CCDC91: variants seen among roughly 807,000 people sequenced by gnomAD.
The protein encoded by CCDC91 is coiled-coil domain-containing protein 91.
CCDC91 carries 48 observed loss-of-function variants against 63.2 expected under a neutral mutation model. That is an observed-to-expected ratio of 0.76 (90% CI 0.60 to 0.97). CCDC91 has a LOEUF of 0.97. Ranked by LOEUF, CCDC91 falls within the 50% of genes least tolerant of loss-of-function variation. The pLI, the probability that CCDC91 is intolerant of heterozygous loss-of-function variation, is 0.00. For missense variants in CCDC91, 500 were observed against 494.6 expected (o/e 1.01, Z -0.10); for synonymous variants, 167 against 165.8 (o/e 1.01, Z -0.06).
At chr12:28,237,005 C>A (rs554215927) in intron 1 of CCDC91, among the ~76,000 whole-genome samples, 1 of 151,848 alleles carries the variant, frequency 6.6e-6, no homozygotes, top group East Asian at 1.9e-4. Flanking sequence ...TTTTTAGAGA[C>A]TTCTTTTATA....
chr12:28,361,332 T>A (rs1464260285), intron 6 of CCDC91, among the ~76,000 whole-genome samples: 1 of 151,296 alleles, frequency 6.6e-6, no homozygotes, highest in Non-Finnish European at 1.5e-5. Flanking sequence ...CTCTCCCCAC[T>A]CCCCCCACCC....
At chr12:28,248,392 C>T (rs11834510) in intron 1 of CCDC91, among the ~76,000 whole-genome samples, 1,758 of 152,088 alleles carry the variant, frequency 0.012, 8 homozygotes, top group Middle Eastern at 0.02. Flanking sequence ...GTAAATGAAT[C>T]CAAAGATGTG....
At chr12:28,283,837 A>G (rs61922976) in intron 3 of CCDC91, among the ~76,000 whole-genome samples, 30,778 of 152,050 alleles carry the variant, frequency 0.2, 4,016 homozygotes, top group Non-Finnish European at 0.3. Context: ...TCCATTTATG[A>G]TATCATGTGG....
chr12:28,341,994 A>G (rs1942459501), intron 6 of CCDC91, among the ~76,000 whole-genome samples: 1 of 152,220 alleles, frequency 6.6e-6, no homozygotes, highest in African/African-American at 2.4e-5. Flanking sequence ...TCTTTAAAAT[A>G]GGTGTAATTA....
At chr12:28,539,807 C>T (rs1942493325) in intron 12 of CCDC91, among the ~76,000 whole-genome samples, 1 of 152,058 alleles carries the variant, frequency 6.6e-6, no homozygotes. Context: ...TAGGATAAAT[C>T]TGTTTTAAAA....
At chr12:28,457,091 T>C (rs1416440117) in intron 11 of CCDC91, among the ~76,000 whole-genome samples, 1 of 152,076 alleles carries the variant, frequency 6.6e-6, no homozygotes, top group East Asian at 1.9e-4. Context: ...TGTCACCCTG[T>C]AACCCATGAT....
chr12:28,241,590 G>T (rs1945338533), intron 1 of CCDC91, among the ~76,000 whole-genome samples: 2 of 152,016 alleles, frequency 1.3e-5, no homozygotes, highest in Admixed American at 1.3e-4. Context: ...GGTTGTTTGT[G>T]GGGTTTACTA....
chr12:28,351,016 T>C (rs779779261), intron 6 of CCDC91, among the ~76,000 whole-genome samples: 7 of 152,222 alleles, frequency 4.6e-5, no homozygotes, highest in Non-Finnish European at 1.0e-4. Context: ...TGCAATCTGT[T>C]ACCGTGTTCT....
chr12:28,416,959 T>C (rs527461554), intron 8 of CCDC91, among the ~76,000 whole-genome samples: 30 of 152,268 alleles, frequency 2.0e-4, no homozygotes, highest in Non-Finnish European at 4.0e-4. Flanking sequence ...AATTTAGTTA[T>C]GTTGCTTTGA....
At chr12:28,410,358 T>G (rs1369435277) in intron 8 of CCDC91, among the ~76,000 whole-genome samples, 1 of 152,208 alleles carries the variant, frequency 6.6e-6, no homozygotes, top group Non-Finnish European at 1.5e-5. Flanking sequence ...TTTATTTTGA[T>G]TATTGTTAGT....
At chr12:28,372,130 C>T (rs1038522258) in intron 7 of CCDC91, among the ~76,000 whole-genome samples, 5 of 152,144 alleles carry the variant, frequency 3.3e-5, no homozygotes, top group Admixed American at 1.3e-4. Flanking sequence ...TATGCTTTAT[C>T]GAAGATCACT....
At chr12:28,209,895 A>G (rs772731481) in intron 1 of CCDC91, among the ~76,000 whole-genome samples, 11 of 152,014 alleles carry the variant, frequency 7.2e-5, no homozygotes, top group East Asian at 1.9e-4. Flanking sequence ...ATGTAAACCT[A>G]TTTTTTTCAG....
At chr12:28,218,727 G>GTGTA (rs1417753608) in intron 1 of CCDC91, among the ~76,000 whole-genome samples, 2 of 150,214 alleles carry the variant, frequency 1.3e-5, no homozygotes, top group East Asian at 1.9e-4. Context: ...GTGTGTGTGT[G>GTGTA]TGTATGTATG....
intron 3 of CCDC91, among the ~76,000 whole-genome samples, chr12:28,299,972 G>A (rs1337385089): frequency 6.6e-6 from 1 of 150,802 alleles, no homozygotes; most frequent in East Asian, 1.9e-4. Context: ...AGGAATATTG[G>A]CCCTTATCTG....
At chr12:28,471,842 C>T (rs1374146840) in intron 11 of CCDC91, among the ~76,000 whole-genome samples, 2 of 151,918 alleles carry the variant, frequency 1.3e-5, no homozygotes, top group African/African-American at 2.4e-5. Flanking sequence ...CTCCGCCTCC[C>T]GGGTTCAAGC....
At chr12:28,246,523 A>C (rs1945747506) in intron 1 of CCDC91, among the ~76,000 whole-genome samples, 2 of 152,172 alleles carry the variant, frequency 1.3e-5, no homozygotes, top group African/African-American at 4.8e-5. Context: ...TATTTTGCTT[A>C]TATGGGGGAC....
At chr12:28,390,218 C>G (rs11049570) in intron 7 of CCDC91, among the ~76,000 whole-genome samples, 28,152 of 151,928 alleles carry the variant, frequency 0.19, 3,435 homozygotes, top group Non-Finnish European at 0.28. Flanking sequence ...AAAATACATG[C>G]CTATTTATCC....
chr12:28,526,393 G>T (rs1387587993), intron 12 of CCDC91, among the ~76,000 whole-genome samples: 5 of 151,998 alleles, frequency 3.3e-5, no homozygotes, highest in Non-Finnish European at 7.4e-5. Context: ...AAAATTCTTG[G>T]CTGATAATTG....
intron 1 of CCDC91, among the ~76,000 whole-genome samples, chr12:28,218,668 G>T (rs984996597): frequency 2.0e-5 from 3 of 151,218 alleles, no homozygotes; most frequent in African/African-American, 7.3e-5. Context: ...GCCTTTTCAA[G>T]AATTTAATAT....
Sources: gnomAD v4.1 joint callset for allele counts (sites outside exome capture counted in the v4.1 genomes callset) on GRCh38, gnomAD v4.1.1 for gene constraint, MANE v1.5 for transcripts, NCBI Gene and HGNC (gene_info 2026-07-23, HGNC 2026-07-21) for gene names.